Variants in NLRP4 observed in about 807,000 individuals in gnomAD.
NLRP4 encodes NACHT, LRR and PYD domains-containing protein 4.
NLRP4 carries 44 observed loss-of-function variants against 84.7 expected under a neutral mutation model. That is an observed-to-expected ratio of 0.52 (90% CI 0.41 to 0.67). The LOEUF (loss-of-function observed/expected upper bound fraction) is 0.67. Ranked by LOEUF, NLRP4 falls within the 30% of genes least tolerant of loss-of-function variation. The probability of loss-of-function intolerance (pLI) is 0.00; values close to 1 mark genes in which losing one functional copy is unlikely to be tolerated. For missense variants in NLRP4, 1,260 were observed against 1,219.4 expected (o/e 1.03, Z -0.50); for synonymous variants, 544 against 476.4 (o/e 1.14, Z -1.85).
In NLRP4 at chr19:55,877,127, G is replaced by T. The variant is rs757456098; in HGVS notation, c.2657G>T (p.Arg886Leu). 1.9e-6 allele frequency: 3 copies of T among 1,613,890 alleles called. No homozygotes were observed. Among genetic ancestry groups the T allele is most frequent in the Non-Finnish European group, 2.5e-6 (3 of 1,179,940 alleles). ...IGDVGVQLLCRALTHTDCRLE... is the reference protein window; with the variant it reads ...IGDVGVQLLCLALTHTDCRLE... ...GATGTGGGTGTGCAGCTGTTGTGTC[G>T]GGCTCTGACGCATACGGATTGCCGC... The change falls in exon 8 of 10, where the codon CGG becomes CTG. Residue 886 changes from arginine (R) to leucine (L), a missense_variant. Coordinates refer to ENST00000301295, the MANE Select transcript of NLRP4 (RefSeq NM_134444.5).
At chr19:55,846,015 C>T (rs1281415915) in intron 1 of NLRP4, among the ~76,000 whole-genome samples, 2 of 152,260 alleles carry the variant, frequency 1.3e-5, no homozygotes, top group East Asian at 3.9e-4. Flanking sequence ...TGTGCAGAAG[C>T]TCTTTAGTTT....
intron 2 of NLRP4, 65 bp from the exon 3 acceptor site, chr19:55,857,609 A>G: frequency 6.7e-7 from 1 of 1,501,862 alleles, no homozygotes; most frequent in Non-Finnish European, 9.1e-7. Flanking sequence ...TGAGAAGAAA[A>G]AAAGAATATA....
At chr19:55,878,410 C>T (rs1038835187) in intron 8 of NLRP4, among the ~76,000 whole-genome samples, 1 of 152,182 alleles carries the variant, frequency 6.6e-6, no homozygotes, top group Admixed American at 6.5e-5. Flanking sequence ...ACAGAGACCC[C>T]ATCTCCAAAG....
intron 2 of NLRP4, 24 bp downstream of exon 2, chr19:55,852,384 A>AG: frequency 7.8e-6 from 12 of 1,538,992 alleles, no homozygotes; most frequent in Non-Finnish European, 1.1e-5. Context: ...GGAAGGGGGA[A>AG]GCCTTCTTAT....
chr19:55,851,657 TGCG>T (rs1984153568), intron 1 of NLRP4, among the ~76,000 whole-genome samples: 2 of 149,708 alleles, frequency 1.3e-5, no homozygotes, highest in Non-Finnish European at 3.0e-5. Context: ...TGTCCGAGGC[TGCG>T]GTGTAATGTC....
At position 55,861,599 on chromosome 19, in the gene NLRP4, A is replaced by C. The variant is rs759913191; in HGVS notation, c.2018+52A>C. ...AGTATGTCACGGAGATGACCTATTCATCTCACCTCTAGCTTTCAGTCGAGG... is the reference window on the plus strand; with the variant it reads ...AGTATGTCACGGAGATGACCTATTCCTCTCACCTCTAGCTTTCAGTCGAGG... On this transcript the variant is annotated intron_variant, in intron 4 of 9. Transcript: ENST00000301295. 1.8e-5 allele frequency: 27 copies of C among 1,541,698 alleles called. No homozygotes were observed. In the South Asian group the frequency reaches 2.7e-4, roughly 15 times the overall value.
At chr19:55,860,797 G>A (rs2123039490) in intron 3 of NLRP4, among the ~76,000 whole-genome samples, 1 of 152,160 alleles carries the variant, frequency 6.6e-6, no homozygotes, top group Non-Finnish European at 1.5e-5. Flanking sequence ...GACCAACATG[G>A]CGAAACCCCG....
rs750811265 is a variant in NLRP4, at chr19:55,858,256, G to A, written c.863G>A (p.Arg288Gln). 8.7e-6 allele frequency: 14 copies of A among 1,614,064 alleles called. No individual in the cohort carries two copies. Among genetic ancestry groups the A allele is most frequent in the Admixed American group, 3.3e-5 (2 of 60,000 alleles). The change falls in exon 3 of 10, where the codon CGG becomes CAG. Residue 288 changes from arginine to glutamine, a missense_variant. Transcript: ENST00000301295. This position sits in a 1 kb window ranked among gnomAD's most constrained non-coding sequence, Gnocchi z 4.2. ...AAACCCGTGTGCCCGAAGGAGCTCC[G>A]GGATCAGGTGACGATCTCAGAAATC... The part of the protein sequence containing the change: ...AIKPVCPKEL[R>Q]DQVTISEIYQ...
At chr19:55,861,118 C>T (rs1267140781) in intron 3 of NLRP4, among the ~76,000 whole-genome samples, 1 of 152,160 alleles carries the variant, frequency 6.6e-6, no homozygotes, top group African/African-American at 2.4e-5. Context: ...GGTCTGTACT[C>T]ACTAGATGCC....
chr19:55,846,869 T>C (rs1983816800), intron 1 of NLRP4, among the ~76,000 whole-genome samples: 1 of 152,180 alleles, frequency 6.6e-6, no homozygotes, highest in African/African-American at 2.4e-5. Flanking sequence ...AAGGTCACCT[T>C]TCCATCATCA....
intron 2 of NLRP4, among the ~76,000 whole-genome samples, chr19:55,852,595 G>A (rs1435826919): frequency 2.7e-5 from 4 of 150,902 alleles, no homozygotes; most frequent in Non-Finnish European, 2.9e-5. Context: ...TCCTGCCTCA[G>A]CCTCCTGAGT....
chr19:55,838,512 GAC>G (rs769812234), intron 1 of NLRP4, among the ~76,000 whole-genome samples: 1 of 152,048 alleles, frequency 6.6e-6, no homozygotes, highest in Non-Finnish European at 1.5e-5. Flanking sequence ...AGAACCATGA[GAC>G]AGTAGGTTTC....
intron 1 of NLRP4, among the ~76,000 whole-genome samples, chr19:55,839,883 T>C (rs1983540139): frequency 6.6e-6 from 1 of 152,246 alleles, no homozygotes; most frequent in Admixed American, 6.5e-5. Flanking sequence ...CTGATTTAGC[T>C]GTATTTCACT....
chr19:55,879,617 C>G (rs1436810486), intron 9 of NLRP4, among the ~76,000 whole-genome samples: 1 of 152,150 alleles, frequency 6.6e-6, no homozygotes, highest in Non-Finnish European at 1.5e-5. Context: ...AGGCCTGGCC[C>G]CCAGGTAGCT....
At chr19:55,849,946 TTTCC>T (rs1259276406) in intron 1 of NLRP4, among the ~76,000 whole-genome samples, 191 of 144,052 alleles carry the variant, frequency 1.3e-3, no homozygotes, top group African/African-American at 4.7e-3. Context: ...CGCGGTGTAA[TTTCC>T]GAGACTGCGG....
In NLRP4 at chr19:55,864,643, C is replaced by T. The variant is rs570965939; in HGVS notation, c.2186+2484C>T. On this transcript the variant is annotated intron_variant, in intron 5 of 9. Coordinates refer to ENST00000301295, the MANE Select transcript of NLRP4 (RefSeq NM_134444.5). ...TTAGAGAAACCACCAAGTTATTTTC[C>T]TCAGTGACTGCACAATTCTGTATTC... Among the ~76,000 whole-genome samples, 8 of 152,294 alleles carry T rather than the reference C, an allele frequency of 5.3e-5. No homozygotes were observed. The South Asian group carries it at 1.7e-3, about 32-fold the overall frequency.
chr19:55,870,771 C>T (rs1225242539), intron 6 of NLRP4, 56 bp from the exon 7 acceptor site: 1 of 1,283,530 alleles, frequency 7.8e-7, no homozygotes, highest in East Asian at 2.3e-5. Context: ...TTAAGCAAAT[C>T]TCCCTGAGAC....
intron 1 of NLRP4, among the ~76,000 whole-genome samples, chr19:55,843,452 A>G (rs1983686715): frequency 6.6e-6 from 1 of 151,976 alleles, no homozygotes; most frequent in Admixed American, 6.6e-5. Context: ...GCAGTTTGGG[A>G]GGCAGAGGCG....
At chr19:55,865,722 C>A (rs1278809830) in intron 5 of NLRP4, among the ~76,000 whole-genome samples, 1 of 152,064 alleles carries the variant, frequency 6.6e-6, no homozygotes, top group South Asian at 2.1e-4. Flanking sequence ...GATTAATGAG[C>A]ATTTCTTCAT....
Sources: allele counts gnomAD v4.1 joint callset (sites outside exome capture counted in the v4.1 genomes callset), GRCh38; gene constraint gnomAD v4.1.1; non-coding constraint Gnocchi (gnomAD v3.1); transcripts MANE v1.5; gene names NCBI Gene and HGNC (gene_info 2026-07-23, HGNC 2026-07-21).